The following EYS variants were observed in gnomAD, a reference collection of about 807,000 sequenced individuals.
EYS encodes EGF-like photoreceptor maintenance factor, also known as protein eyes shut homolog.
Under a neutral mutation model 282.1 loss-of-function variants are expected in EYS, and 250 were observed. That is an observed-to-expected ratio of 0.89 (90% CI 0.80 to 0.98). EYS has a LOEUF of 0.98. EYS is among the 50% of genes least tolerant of loss of function. The pLI, the probability that EYS is intolerant of heterozygous loss-of-function variation, is 0.00. For missense variants in EYS, 4,016 were observed against 3,709.0 expected (o/e 1.08, Z -2.15); for synonymous variants, 1,355 against 1,282.9 (o/e 1.06, Z -1.20).
chr6:64,350,363 T>C (rs1174028719), intron 29 of EYS, among the ~76,000 whole-genome samples: 1 of 151,676 alleles, frequency 6.6e-6, no homozygotes, highest in Non-Finnish European at 1.5e-5. Flanking sequence ...TAATTCCGAA[T>C]GTTAAAATTA....
intron 22 of EYS, among the ~76,000 whole-genome samples, chr6:64,672,318 G>A (rs1167290970): frequency 6.6e-6 from 1 of 152,124 alleles, no homozygotes; most frequent in Non-Finnish European, 1.5e-5. Flanking sequence ...AAAAACACAA[G>A]ACCTTTGTTT....
intron 12 of EYS, among the ~76,000 whole-genome samples, chr6:65,205,111 A>G (rs966693273): frequency 1.4e-5 from 2 of 147,136 alleles, no homozygotes; most frequent in East Asian, 2.0e-4. Flanking sequence ...CTAGAAGAAT[A>G]TATATATATA....
rs139732695 is a variant in EYS, at chr6:64,381,858, C to T, written c.6078+6832G>A. On this transcript the variant is annotated intron_variant, in intron 29 of 42. Coordinates refer to ENST00000503581, the MANE Select transcript of EYS (RefSeq NM_001142800.2). The stretch of plus-strand genomic sequence containing the variant: ...AGTAAGCAAATTCATCTAAAATATC[C>T]CCTTTTTGTCAGGGCAAAACATTAG... 5.5e-4 allele frequency among the ~76,000 whole-genome samples: 84 copies of T among 152,160 alleles called. 1 individual carries two copies. The East Asian group carries it at 0.015, about 27-fold the overall frequency.
At chr6:65,148,615 A>C (rs556693117) in intron 12 of EYS, among the ~76,000 whole-genome samples, 1 of 152,094 alleles carries the variant, frequency 6.6e-6, no homozygotes, top group African/African-American at 2.4e-5. Flanking sequence ...TGGGGGCTGG[A>C]GGACAGCGGA....
intron 39 of EYS, chr6:63,779,319 T>G (rs1282237599): frequency 6.6e-6 from 1 of 151,818 alleles, no homozygotes; most frequent in Non-Finnish European, 1.5e-5. Context: ...CCGGGCGTGG[T>G]GGCGGGTGCC....
intron 35 of EYS, among the ~76,000 whole-genome samples, chr6:63,955,979 C>T (rs2149770509): frequency 6.6e-6 from 1 of 152,270 alleles, no homozygotes; most frequent in Admixed American, 6.5e-5. Context: ...TCACCCCTTA[C>T]CACAAAATCT....
chr6:65,041,720 A>C (rs889105256), intron 13 of EYS, among the ~76,000 whole-genome samples: 1 of 151,594 alleles, frequency 6.6e-6, no homozygotes, highest in African/African-American at 2.4e-5. Context: ...TTTGTCCTGA[A>C]ATCTTAGCCT....
chr6:64,231,871 T>G (rs2150338502), intron 30 of EYS, among the ~76,000 whole-genome samples: 1 of 152,250 alleles, frequency 6.6e-6, no homozygotes, highest in Non-Finnish European at 1.5e-5. Flanking sequence ...AATGAGATAA[T>G]TATCTTTTTA....
chr6:64,260,171 C>T (rs1468198302), intron 30 of EYS, among the ~76,000 whole-genome samples: 5 of 151,848 alleles, frequency 3.3e-5, no homozygotes, highest in East Asian at 3.9e-4. Flanking sequence ...TTTTACCCTG[C>T]TATTTGCTGC....
At chr6:64,325,167 T>A (rs1193308698) in intron 29 of EYS, among the ~76,000 whole-genome samples, 9 of 152,058 alleles carry the variant, frequency 5.9e-5, no homozygotes, top group African/African-American at 2.2e-4. Context: ...GGAAGTGGAG[T>A]GCTCCTGCAG....
At chr6:65,687,539 C>A (rs1562328753) in intron 1 of EYS, among the ~76,000 whole-genome samples, 1 of 152,236 alleles carries the variant, frequency 6.6e-6, no homozygotes, top group East Asian at 1.9e-4. Context: ...GGGATGCCCT[C>A]TCTCACCACT....
At chr6:65,531,612 AT>A (rs1280927363) in intron 2 of EYS, among the ~76,000 whole-genome samples, 2 of 152,190 alleles carry the variant, frequency 1.3e-5, no homozygotes, top group Non-Finnish European at 2.9e-5. Context: ...GGAGATCCCT[AT>A]GAGCAGCATA....
At chr6:65,313,300 T>C (rs560307756) in intron 11 of EYS, among the ~76,000 whole-genome samples, 9,573 of 151,706 alleles carry the variant, frequency 0.063, 994 homozygotes, top group African/African-American at 0.22. Flanking sequence ...CTCCCTAGTT[T>C]ATATCTGGGA....
At chr6:64,488,847 T>C (rs1776651341) in intron 26 of EYS, among the ~76,000 whole-genome samples, 1 of 150,940 alleles carries the variant, frequency 6.6e-6, no homozygotes, top group African/African-American at 2.4e-5. Flanking sequence ...TTCTTTGTAA[T>C]AGGAGAATAA....
intron 16 of EYS, among the ~76,000 whole-genome samples, chr6:64,911,662 C>T (rs1006958510): frequency 2.0e-5 from 3 of 152,054 alleles, no homozygotes; most frequent in East Asian, 1.9e-4. Flanking sequence ...TTTGGGCCTC[C>T]AAACACAATG....
At chr6:64,810,150 C>T (rs1249080135) in intron 22 of EYS, among the ~76,000 whole-genome samples, 1 of 151,838 alleles carries the variant, frequency 6.6e-6, no homozygotes, top group African/African-American at 2.4e-5. Flanking sequence ...ATTCCCCTGA[C>T]TTGAAGAAAT....
At chr6:64,897,790 C>G in intron 18 of EYS, among the ~76,000 whole-genome samples, 1 of 152,106 alleles carries the variant, frequency 6.6e-6, no homozygotes. Flanking sequence ...AGCCACAGCA[C>G]AAGAACTTTG....
chr6:63,873,917 G>A (rs1246677719), intron 35 of EYS, among the ~76,000 whole-genome samples: 1 of 151,998 alleles, frequency 6.6e-6, no homozygotes, highest in Non-Finnish European at 1.5e-5. Context: ...TGGGTAGATT[G>A]TAAAATTTTC....
chr6:64,414,293 C>G (rs997479742), intron 28 of EYS, among the ~76,000 whole-genome samples: 19 of 152,056 alleles, frequency 1.2e-4, no homozygotes, highest in Non-Finnish European at 2.5e-4. Flanking sequence ...ATCAATGGAG[C>G]CATGCCTTCA....
Sources: gnomAD v4.1 joint callset for allele counts (sites outside exome capture counted in the v4.1 genomes callset) on GRCh38, gnomAD v4.1.1 for gene constraint, MANE v1.5 for transcripts, NCBI Gene and HGNC (gene_info 2026-07-23, HGNC 2026-07-21) for gene names.